EIF3B: variants seen among roughly 807,000 people sequenced by gnomAD.
EIF3B encodes the protein eukaryotic translation initiation factor 3 subunit 9.
A neutral mutation model predicts 104.6 loss-of-function variants in EIF3B; 10 were observed. The ratio of observed to expected loss-of-function variants is 0.10; its 90% confidence interval spans 0.06 to 0.16. EIF3B has a LOEUF of 0.16. Ranked by LOEUF, EIF3B falls within the 10% of genes least tolerant of loss-of-function variation. The pLI is 1.00. For missense variants in EIF3B, 1,014 were observed against 1,087.9 expected, an observed-to-expected ratio of 0.93 and a Z score of 0.96; for synonymous variants, 542 against 417.2, an observed-to-expected ratio of 1.30 and a Z score of -3.65.
chr7:2,362,964 C>T, intron 3 of EIF3B, 106 bp from the exon 4 acceptor site: 1 of 1,491,834 alleles, frequency 6.7e-7, no homozygotes, highest in Non-Finnish European at 9.3e-7. Context: ...AGTCACAGCC[C>T]TGGGGGCGGG....
Position 2,360,715 on chromosome 7 carries a change from C to G in EIF3B, c.505C>G (p.Leu169Val), listed in dbSNP as rs745892776. ...FVDDVSEEEL[L>V]GDVLKDRPQE... The stretch of plus-strand genomic sequence containing the variant: ...GAAAAATCTCTCTTGTTCAGAATTA[C>G]TGGGAGATGTACTCAAAGATCGGCC... Residue 169 changes from leucine (L) to valine (V), a missense_variant, in exon 2 of 19, where the codon CTG becomes GTG. This residue lies in a region of EIF3B where 488 missense variants were observed against 404.3 expected (regional missense o/e 1.21). Coordinates refer to ENST00000360876, the MANE Select transcript of EIF3B (RefSeq NM_001037283.2). 5 of 1,580,392 alleles carry G rather than the reference C, an allele frequency of 3.2e-6. No homozygotes were observed. In the South Asian group the frequency reaches 4.5e-5, roughly 14 times the overall value.
In EIF3B at chr7:2,379,665, G is replaced by A. The variant is rs563993074; in HGVS notation, c.*14+154G>A. 2.1e-4 allele frequency: 133 copies of A among 622,670 alleles called. 1 individual carries two copies. The East Asian group carries it at 2.4e-3, about 11-fold the overall frequency. 38.6% of individuals were successfully genotyped at this position (622,670 alleles called of 1,614,324 possible). A position where few individuals can be genotyped will look rare whatever the true frequency, so the allele number is the denominator to read the frequency against. ...GGGTTAGCTGAGCCTCGTGTGAAAT[G>A]TAGAGTCGGTGCCGACGTGGCCTCG... On this transcript the variant is annotated intron_variant, in intron 18 of 18. Coordinates refer to ENST00000360876, the MANE Select transcript of EIF3B (RefSeq NM_001037283.2).
In EIF3B at chr7:2,363,705, G is replaced by A. The variant is rs371362324; in HGVS notation, c.944G>A (p.Arg315His). ...QYSVIFESGD[R>H]TSIFWNDVKD... ...AGTGTGATTTTTGAGAGTGGAGACC[G>A]CACTTCCATATTCTGGAATGACGTA... Residue 315 changes from arginine to histidine, a missense_variant, in exon 5 of 19, where the codon CGC (arginine) becomes CAC (histidine). Arg to His is a conservative substitution (Grantham distance 29). Transcript: ENST00000360876. 2.0e-5 allele frequency: 33 copies of A among 1,613,918 alleles called. No homozygotes were observed. Among genetic ancestry groups the A allele is most frequent in the Admixed American group, 8.3e-5 (5 of 59,968 alleles).
At chr7:2,372,182 G>A in intron 11 of EIF3B, 1 of 305,848 alleles carries the variant, frequency 3.3e-6, no homozygotes, top group Non-Finnish European at 6.2e-6. Flanking sequence ...CTCCAGCCTG[G>A]GTGACGGAGC....
intron 5 of EIF3B, 51 bp downstream of exon 5, chr7:2,363,811 T>G: frequency 6.4e-7 from 1 of 1,572,532 alleles, no homozygotes; most frequent in Non-Finnish European, 8.6e-7. Flanking sequence ...CTGTATTTCC[T>G]TAACAAAGTG....
intron 13 of EIF3B, 32 bp from the exon 14 acceptor site, chr7:2,375,357 A>G (rs781094134): frequency 8.7e-6 from 14 of 1,612,710 alleles, no homozygotes; most frequent in East Asian, 4.5e-5. Context: ...ATGCGTCTCC[A>G]TGAAGCCTGA....
At chr7:2,357,224 T>C (rs1421374604) in intron 1 of EIF3B, among the ~76,000 whole-genome samples, 2 of 152,184 alleles carry the variant, frequency 1.3e-5, no homozygotes, top group Non-Finnish European at 2.9e-5. Flanking sequence ...GATGCTAATA[T>C]GACGACAGGG....
chr7:2,362,804 T>A, intron 3 of EIF3B, 40 bp downstream of exon 3: 1 of 1,612,772 alleles, frequency 6.2e-7, no homozygotes, highest in Non-Finnish European at 8.5e-7. Flanking sequence ...GACGTTGACG[T>A]GCAAGTGACT....
At chr7:2,365,913 G>A (rs529552670) in intron 6 of EIF3B, among the ~76,000 whole-genome samples, 6 of 152,050 alleles carry the variant, frequency 3.9e-5, no homozygotes, top group East Asian at 1.9e-4. Flanking sequence ...CTTAAACTCC[G>A]GACCTTGGGT....
chr7:2,370,980 G>A (rs1031088393), intron 10 of EIF3B, among the ~76,000 whole-genome samples: 4 of 152,032 alleles, frequency 2.6e-5, no homozygotes, highest in South Asian at 2.1e-4. Context: ...GGAGAATGGC[G>A]TGAACCCGGG....
chr7:2,374,282 C>T, intron 12 of EIF3B: 1 of 400,884 alleles, frequency 2.5e-6, no homozygotes, highest in Admixed American at 3.6e-5. Context: ...CCAGTTACCT[C>T]AGGAAATAAG....
At position 2,374,457 on chromosome 7, in the gene EIF3B, C is replaced by T. The variant is rs570908823; in HGVS notation, c.1811-71C>T. The T allele has an allele frequency of 4.7e-5, 70 of 1,499,446 alleles. No individual in the cohort carries two copies. In the African/African-American group the frequency reaches 9.2e-4, roughly 20 times the overall value. 92.9% of individuals were successfully genotyped at this position (1,499,446 alleles called of 1,614,324 possible). ...ATGGGCAGCATGAGCACGGCCAAGT[C>T]CTCCAGCCTTGGCTGCCCCGGCACT... On this transcript the variant is annotated intron_variant, in intron 12 of 18. Transcript: ENST00000360876.
chr7:2,370,943 G>C (rs899019634), intron 10 of EIF3B, among the ~76,000 whole-genome samples: 4 of 152,022 alleles, frequency 2.6e-5, no homozygotes, highest in Non-Finnish European at 5.9e-5. Context: ...GGTGCCTGTA[G>C]TCCCAGCTAC....
chr7:2,358,891 G>A (rs2115280289), intron 1 of EIF3B, among the ~76,000 whole-genome samples: 1 of 152,240 alleles, frequency 6.6e-6, no homozygotes, highest in East Asian at 1.9e-4. Flanking sequence ...ATCACATCAA[G>A]AACAGCTTCA....
chr7:2,363,821 G>A (rs1779868507), intron 5 of EIF3B, 61 bp downstream of exon 5: 3 of 1,543,698 alleles, frequency 1.9e-6, no homozygotes, highest in Non-Finnish European at 1.7e-6. Flanking sequence ...TTAACAAAGT[G>A]GAACTTTGTT....
At chr7:2,375,332 G>A in intron 13 of EIF3B, 57 bp from the exon 14 acceptor site, 1 of 1,604,990 alleles carries the variant, frequency 6.2e-7, no homozygotes, top group South Asian at 1.1e-5. Flanking sequence ...TCTCAGGAGT[G>A]GGATGCCAGG....
intron 18 of EIF3B, chr7:2,379,968 G>A (rs954888709): frequency 1.2e-5 from 3 of 248,636 alleles, no homozygotes; most frequent in African/African-American, 2.3e-5. Flanking sequence ...GGGCCTCCGC[G>A]CCTCACAGCA....
chr7:2,361,507 C>A (rs1308739166), intron 2 of EIF3B, among the ~76,000 whole-genome samples: 1 of 152,032 alleles, frequency 6.6e-6, no homozygotes, highest in Non-Finnish European at 1.5e-5. Flanking sequence ...GAAAGCTCCG[C>A]CTCCCAGGTT....
At chr7:2,378,267 T>A (rs1353544736) in intron 15 of EIF3B, 22 of 197,592 alleles carry the variant, frequency 1.1e-4, no homozygotes, top group South Asian at 1.5e-4. Context: ...TGGGATGCTG[T>A]GTTGTGTGAA....
Sources: gnomAD v4.1 joint callset for allele counts (sites outside exome capture counted in the v4.1 genomes callset) on GRCh38, gnomAD v4.1.1 for gene constraint, gnomAD v4.1.1 regional missense constraint, MANE v1.5 for transcripts, NCBI Gene and HGNC (gene_info 2026-07-23, HGNC 2026-07-21) for gene names.